MTR: variants seen among roughly 807,000 people sequenced by gnomAD.
The protein encoded by MTR is methionine synthase.
In MTR, 84 loss-of-function variants were observed where a neutral mutation model predicts 154.8. The ratio of observed to expected loss-of-function variants is 0.54; its 90% CI spans 0.45 to 0.65. MTR has a LOEUF of 0.65. Ranked by LOEUF, MTR falls within the 30% of genes least tolerant of loss-of-function variation. The pLI is 0.00. For missense variants in MTR, 1,275 were observed against 1,570.2 expected (o/e 0.81, Z 3.18); for synonymous variants, 554 against 553.9 (o/e 1.00, Z 0.00).
At chr1:236,795,852 C>A in intron 1 of MTR, 115 bp downstream of exon 1, 1 of 1,502,182 alleles carries the variant, frequency 6.7e-7, no homozygotes, top group South Asian at 1.2e-5. Flanking sequence ...GGTGTTTCCC[C>A]GCGTGTGGGC....
At chr1:236,821,583 G>A (rs1238570646) in intron 8 of MTR, among the ~76,000 whole-genome samples, 2 of 151,806 alleles carry the variant, frequency 1.3e-5, no homozygotes, top group South Asian at 2.1e-4. Flanking sequence ...CTAGTTACCA[G>A]TTTTTTTTCT....
At position 236,824,585 on chromosome 1, in the gene MTR, G is replaced by A. The variant is rs1489045685; in HGVS notation, c.865+366G>A. Among the ~76,000 whole-genome samples, 6 of 152,312 alleles carry A rather than the reference G, an allele frequency of 3.9e-5. No individual in the cohort carries two copies. The East Asian group carries it at 9.6e-4, about 24-fold the overall frequency. ...TAGAAGAGCAAAAGAAGAATCTTGT[G>A]TGGTGTTACCTTTTTCTTCTCTGAA... On this transcript the variant is annotated intron_variant, in intron 9 of 32. Transcript: ENST00000366577.
intron 10 of MTR, among the ~76,000 whole-genome samples, chr1:236,826,376 A>C (rs937029362): frequency 4.6e-5 from 7 of 152,074 alleles, no homozygotes; most frequent in African/African-American, 1.7e-4. Context: ...AGCTTACTGT[A>C]GCTTTGAACT....
intron 25 of MTR, among the ~76,000 whole-genome samples, chr1:236,883,508 T>C (rs966880117): frequency 3.9e-5 from 6 of 152,206 alleles, no homozygotes; most frequent in Non-Finnish European, 8.8e-5. Flanking sequence ...TCTCAGAGTG[T>C]ATAATCTAGC....
intron 25 of MTR, among the ~76,000 whole-genome samples, chr1:236,881,587 C>G (rs1665739103): frequency 2.0e-5 from 3 of 152,014 alleles, no homozygotes; most frequent in Admixed American, 1.3e-4. Context: ...GTTTGAGAAC[C>G]ACAGATTTAG....
chr1:236,820,491 TA>T, intron 8 of MTR: 1 of 1,272,718 alleles, frequency 7.9e-7, no homozygotes, highest in Non-Finnish European at 1.1e-6. Flanking sequence ...GGCCACTGAA[TA>T]AGTAGCAGCA....
chr1:236,813,124 G>C (rs1018840371), intron 6 of MTR, among the ~76,000 whole-genome samples: 1 of 152,078 alleles, frequency 6.6e-6, no homozygotes, highest in East Asian at 1.9e-4. Context: ...CATGCTGCTG[G>C]TTCTAAATTT....
chr1:236,884,404 C>T (rs1001536857), intron 25 of MTR, among the ~76,000 whole-genome samples: 4 of 152,200 alleles, frequency 2.6e-5, no homozygotes, highest in Admixed American at 1.3e-4. Flanking sequence ...TTCCCAAGAC[C>T]ACCTTCAGGT....
rs372611712 is a variant in MTR at position 236,889,283 on chromosome 1, G to A, written c.2954G>A (p.Arg985Gln). ...CCTTTCTTTGATGTCTGGCAGCTCC[G>A]GGGCAAGTACCCGAATCGAGGCTTT... is the stretch of plus-strand genomic sequence containing the variant. ...WKPFFDVWQL[R>Q]GKYPNRGFPK... Residue 985 changes from arginine to glutamine, a missense_variant, in exon 28 of 33, where the codon CGG becomes CAG. Arg to Gln is a conservative substitution (Grantham distance 43, BLOSUM62 1). Coordinates refer to ENST00000366577, the MANE Select transcript of MTR (RefSeq NM_000254.3). 5.0e-6 allele frequency: 8 copies of A among 1,614,176 alleles called. No individual in the cohort carries two copies. Among genetic ancestry groups the A allele is most frequent in the Admixed American group, 1.7e-5 (1 of 60,024 alleles).
Position 236,797,100 on chromosome 1 carries a change from G to T in MTR, c.34+1363G>T, listed in dbSNP as rs141470171. ...CCCTCACCCCCAAGGCTGGCTTCTA[G>T]AGTTGAGCACTGAGTGGAGTTTAAC... On this transcript the variant is annotated intron_variant, in intron 1 of 32. Coordinates refer to ENST00000366577, the MANE Select transcript of MTR (RefSeq NM_000254.3). Among the ~76,000 whole-genome samples, 1,039 of 152,250 alleles carry T rather than the reference G, an allele frequency of 6.8e-3. 11 individuals carry two copies. The highest frequency in any genetic ancestry group is 0.022 in the African/African-American group (902 of 41,556).
chr1:236,835,736 A>T, intron 14 of MTR, 49 bp downstream of exon 14: 1 of 1,610,564 alleles, frequency 6.2e-7, no homozygotes, highest in Non-Finnish European at 8.5e-7. Flanking sequence ...TCTCACTTTG[A>T]CACTCATTTA....
At chr1:236,882,207 A>G (rs937322159) in intron 25 of MTR, among the ~76,000 whole-genome samples, 1 of 152,150 alleles carries the variant, frequency 6.6e-6, no homozygotes, top group African/African-American at 2.4e-5. Context: ...TCCATGGCTG[A>G]GTGCTGTGGG....
At chr1:236,877,232 GCTCT>G (rs1665483458) in intron 24 of MTR, among the ~76,000 whole-genome samples, 2 of 152,196 alleles carry the variant, frequency 1.3e-5, no homozygotes, top group African/African-American at 4.8e-5. Flanking sequence ...GCTTTAGCAA[GCTCT>G]CTTATTTAAG....
rs780315233 is a variant in MTR at position 236,838,517 on chromosome 1, A to T, written c.1433A>T (p.Glu478Val). The part of the protein sequence containing the change: ...IVNSISLKEG[E>V]DDFLEKARKI... ...AATAGCATTAGTCTGAAGGAAGGAG[A>T]GGACGACTTCTTGGAGAAGGCCAGG... is the stretch of plus-strand genomic sequence containing the variant. Residue 478 changes from glutamate (E) to valine (V), a missense_variant, in exon 15 of 33, where the codon GAG becomes GTG. Physicochemically the swap from Glu to Val is moderately radical, Grantham distance 121. Coordinates refer to ENST00000366577, the MANE Select transcript of MTR (RefSeq NM_000254.3). 3 of 1,614,132 alleles carry T rather than the reference A, an allele frequency of 1.9e-6. No individual in the cohort carries two copies. The South Asian group carries it at 3.3e-5, about 18-fold the overall frequency.
At chr1:236,834,174 T>A (rs1662773354) in intron 13 of MTR, among the ~76,000 whole-genome samples, 1 of 151,694 alleles carries the variant, frequency 6.6e-6, no homozygotes, top group Non-Finnish European at 1.5e-5. Context: ...ATTTACTGAC[T>A]TAATTAATTG....
At chr1:236,809,619 A>G (rs1487322424) in intron 4 of MTR, among the ~76,000 whole-genome samples, 2 of 152,226 alleles carry the variant, frequency 1.3e-5, no homozygotes, top group Non-Finnish European at 2.9e-5. Context: ...TAAAGCAGGG[A>G]GAGAGAAGGA....
rs776680187 is a variant in MTR, at chr1:236,831,983, A to G, written c.1093A>G (p.Ile365Val). ...MLLSGLEPFR[I>V]GPYTNFVNIG... is the part of the protein sequence containing the mutation. ...CTTTTAAGGTCTAGAGCCCTTCAGG[A>G]TTGGACCGTACACCAACTTTGTTAA... The change falls in exon 13 of 33, where the codon ATT becomes GTT. Residue 365 changes from isoleucine (I) to valine (V), a missense_variant. Transcript: ENST00000366577. 6.2e-7 allele frequency: 1 copy of G among 1,614,128 alleles called. No homozygotes were observed. The highest frequency in any genetic ancestry group is 1.1e-5 in the South Asian group (1 of 91,080).
At position 236,898,588 on chromosome 1, in the gene MTR, AC is replaced by A. The variant is rs886046228; in HGVS notation, c.*945del. ...CTAATTTTTTGTGTTTTTACAAAAT[AC>A]AAAAAAGTAGAGACAGGATTTCACT... On this transcript the variant is annotated 3_prime_UTR_variant, in exon 33 of 33. Transcript: ENST00000366577. 12 of 152,154 alleles carry A rather than the reference AC, an allele frequency of 7.9e-5. No individual in the cohort carries two copies. The highest frequency in any genetic ancestry group is 2.7e-4 in the African/African-American group (11 of 41,500). The allele number at this position is 152,154 out of a possible 1,614,324, so 9.4% of individuals were successfully genotyped here. A position where few individuals can be genotyped will look rare whatever the true frequency, so the allele number is the denominator to read the frequency against.
Position 236,903,501 on chromosome 1 carries a change from T to G in MTR, c.*5857T>G, listed in dbSNP as rs1667009682. 1 of 152,158 alleles carries G rather than the reference T, an allele frequency of 6.6e-6. No individual in the cohort carries two copies. The highest frequency in any genetic ancestry group is 6.5e-5 in the Admixed American group (1 of 15,282). 9.4% of individuals were successfully genotyped at this position (152,158 alleles called of 1,614,324 possible). On this transcript the variant is annotated 3_prime_UTR_variant, in exon 33 of 33. Transcript: ENST00000366577. Reference sequence around the variant, plus strand: ...TTGCCTCATCCCTTGCTTTTAAGTATTATTATAGACTTTTGGAGACTCACG... The same window carrying G: ...TTGCCTCATCCCTTGCTTTTAAGTAGTATTATAGACTTTTGGAGACTCACG...
Sources: allele counts gnomAD v4.1 joint callset (sites outside exome capture counted in the v4.1 genomes callset), GRCh38; gene constraint gnomAD v4.1.1; transcripts MANE v1.5; gene names NCBI Gene and HGNC (gene_info 2026-07-23, HGNC 2026-07-21).